PKN2: variants seen among roughly 807,000 people sequenced by gnomAD.
PKN2 encodes the protein protein kinase N2.
PKN2 carries 38 observed loss-of-function variants against 119.1 expected under a neutral mutation model. That is an observed-to-expected ratio of 0.32 (90% CI 0.25 to 0.42). The LOEUF is 0.42. Among genes scored for constraint, PKN2 ranks in the 10% least tolerant of loss-of-function variants. PKN2 has a pLI of 1.00. For synonymous variants in PKN2, 390 were observed against 384.9 expected (o/e 1.01, Z -0.15); for missense variants, 850 against 1,165.1 (o/e 0.73, Z 3.94).
At chr1:88,731,397 A>G (rs1467024966) in intron 1 of PKN2, among the ~76,000 whole-genome samples, 1 of 152,200 alleles carries the variant, frequency 6.6e-6, no homozygotes, top group Non-Finnish European at 1.5e-5. Context: ...TATTAATGCA[A>G]ATCAATCTGG....
At position 88,805,485 on chromosome 1, in the gene PKN2, C is replaced by T; in HGVS notation, c.1502-12C>T. ...AATTACTTGCTGTTTTTGTTTTTTT[C>T]AACATCTACAGGCAAAACATTTCTC... On this transcript the variant is annotated splice_polypyrimidine_tract_variant and intron_variant, in intron 10 of 21. Coordinates refer to ENST00000370521, the MANE Select transcript of PKN2 (RefSeq NM_006256.4). 1.9e-6 allele frequency: 3 copies of T among 1,550,098 alleles called. No individual in the cohort carries two copies. The highest frequency in any genetic ancestry group is 2.1e-5 in the Admixed American group (1 of 48,290).
At chr1:88,786,254 C>A in intron 8 of PKN2, 41 bp downstream of exon 8, 2 of 1,003,904 alleles carry the variant, frequency 2.0e-6, no homozygotes, top group Non-Finnish European at 3.1e-6. Flanking sequence ...AATTATAATT[C>A]ATTTTAAATG....
chr1:88,796,789 CTG>C (rs1194657846), intron 8 of PKN2, among the ~76,000 whole-genome samples: 4 of 152,188 alleles, frequency 2.6e-5, no homozygotes, highest in African/African-American at 4.8e-5. Context: ...CAAAGCAAAA[CTG>C]TGAACTATTT....
chr1:88,758,411 G>A (rs559170968), intron 2 of PKN2, among the ~76,000 whole-genome samples: 307 of 151,868 alleles, frequency 2.0e-3, no homozygotes, highest in Non-Finnish European at 3.4e-3. Flanking sequence ...AAGGGTACCT[G>A]TGAAGATTTG....
chr1:88,797,135 A>G (rs1570645400), intron 8 of PKN2, among the ~76,000 whole-genome samples: 1 of 151,692 alleles, frequency 6.6e-6, no homozygotes, highest in South Asian at 2.1e-4. Context: ...GGAGTTCAAG[A>G]CCAGCCTGGC....
intron 1 of PKN2, among the ~76,000 whole-genome samples, chr1:88,697,885 C>T (rs975394508): frequency 1.3e-5 from 2 of 152,126 alleles, no homozygotes; most frequent in Non-Finnish European, 2.9e-5. Context: ...AGTCTCTCCT[C>T]AAAACTTAAG....
chr1:88,768,207 T>G (rs1051949893), intron 3 of PKN2, among the ~76,000 whole-genome samples: 1 of 152,240 alleles, frequency 6.6e-6, no homozygotes, highest in Non-Finnish European at 1.5e-5. Context: ...TTTCTTAGTT[T>G]TCTACAGTTG....
intron 8 of PKN2, among the ~76,000 whole-genome samples, chr1:88,789,496 CTA>C (rs1670723717): frequency 6.6e-6 from 1 of 151,962 alleles, no homozygotes; most frequent in South Asian, 2.1e-4. Flanking sequence ...AACCCTATCT[CTA>C]TTAAAAATAC....
At chr1:88,759,550 C>T (rs925158802) in intron 2 of PKN2, among the ~76,000 whole-genome samples, 6 of 152,080 alleles carry the variant, frequency 3.9e-5, no homozygotes, top group Non-Finnish European at 8.8e-5. Flanking sequence ...TTGTTAAGTT[C>T]ATCATGGATG....
At position 88,770,747 on chromosome 1, in the gene PKN2, G is replaced by A. The variant is rs375044954; in HGVS notation, c.622+278G>A. Among the ~76,000 whole-genome samples, 690 of 151,418 alleles carry A rather than the reference G, an allele frequency of 4.6e-3. 3 individuals carry two copies. The highest frequency in any genetic ancestry group is 0.016 in the African/African-American group (642 of 41,118). On this transcript the variant is annotated intron_variant, in intron 4 of 21. Coordinates refer to ENST00000370521, the MANE Select transcript of PKN2 (RefSeq NM_006256.4). ...ACTACAGGCGTCCGCCACTACGCCC[G>A]GCTAATTTTTTGTATTTTTAGTAGA...
At chr1:88,778,294 T>C (rs1196332833) in intron 6 of PKN2, among the ~76,000 whole-genome samples, 1 of 152,254 alleles carries the variant, frequency 6.6e-6, no homozygotes, top group East Asian at 1.9e-4. Context: ...GTTTACTATA[T>C]AGTCATCTGG....
chr1:88,794,325 C>T (rs1381080734), intron 8 of PKN2, among the ~76,000 whole-genome samples: 1 of 151,066 alleles, frequency 6.6e-6, no homozygotes. Flanking sequence ...CGAGATCATG[C>T]CATTGCACTC....
intron 6 of PKN2, among the ~76,000 whole-genome samples, chr1:88,779,019 A>G (rs1297412365): frequency 6.6e-6 from 1 of 152,172 alleles, no homozygotes; most frequent in Admixed American, 6.5e-5. Context: ...CGCCGCGCCC[A>G]GCCAAAGATT....
intron 1 of PKN2, among the ~76,000 whole-genome samples, chr1:88,714,554 G>A (rs2100692391): frequency 6.6e-6 from 1 of 151,098 alleles, no homozygotes; most frequent in East Asian, 1.9e-4. Flanking sequence ...ATTGTGAATG[G>A]GAGTGATTTG....
At chr1:88,756,773 A>G (rs1037396945) in intron 2 of PKN2, among the ~76,000 whole-genome samples, 2 of 152,162 alleles carry the variant, frequency 1.3e-5, no homozygotes, top group African/African-American at 2.4e-5. Flanking sequence ...CTTAACGGAG[A>G]TACACTTTCT....
chr1:88,755,254 T>G (rs1669152207), intron 2 of PKN2, among the ~76,000 whole-genome samples: 1 of 152,130 alleles, frequency 6.6e-6, no homozygotes. Context: ...AACTGTATGT[T>G]TTATAATGCT....
chr1:88,709,687 T>A (rs940430846), intron 1 of PKN2, among the ~76,000 whole-genome samples: 1 of 152,216 alleles, frequency 6.6e-6, no homozygotes, highest in African/African-American at 2.4e-5. Flanking sequence ...CTTGGCTAGA[T>A]GTAAACATAT....
At chr1:88,756,800 G>T (rs913864873) in intron 2 of PKN2, among the ~76,000 whole-genome samples, 4 of 152,048 alleles carry the variant, frequency 2.6e-5, no homozygotes, top group Non-Finnish European at 4.4e-5. Flanking sequence ...GGTACTGCTG[G>T]TTAATATTTA....
intron 3 of PKN2, among the ~76,000 whole-genome samples, chr1:88,766,012 C>T (rs891948761): frequency 6.6e-6 from 1 of 152,138 alleles, no homozygotes; most frequent in Non-Finnish European, 1.5e-5. Flanking sequence ...AGGGTTTCAC[C>T]GTGTTGGCTG....
Sources: gnomAD v4.1 joint callset for allele counts (sites outside exome capture counted in the v4.1 genomes callset) on GRCh38, gnomAD v4.1.1 for gene constraint, MANE v1.5 for transcripts, NCBI Gene and HGNC (gene_info 2026-07-23, HGNC 2026-07-21) for gene names.